Variants in CAV3 observed in about 807,000 individuals in gnomAD.
The protein encoded by CAV3 is caveolin 3.
Under a neutral mutation model 13.4 loss-of-function variants are expected in CAV3, and 10 were observed. The observed-to-expected ratio is 0.75, with a 90% CI of 0.46 to 1.27. The LOEUF (loss-of-function observed/expected upper bound fraction) is 1.27, where lower values mean the gene tolerates loss of function less well. CAV3 is among the 50% of genes most tolerant of loss of function. The pLI is 0.00. For missense variants in CAV3, 162 were observed against 194.0 expected (o/e 0.83, Z 0.98); for synonymous variants, 90 against 79.0 (o/e 1.14, Z -0.74).
intron 1 of CAV3, among the ~76,000 whole-genome samples, chr3:8,736,681 A>C (rs1379541738): frequency 6.6e-6 from 1 of 152,224 alleles, no homozygotes; most frequent in Non-Finnish European, 1.5e-5. Flanking sequence ...GCGGCGGCAC[A>C]GGTGCAGCGG....
At position 8,733,993 on chromosome 3, in the gene CAV3, A is replaced by G. The variant is rs1308236465; in HGVS notation, c.114+3A>G. 1 of 1,549,758 alleles carries G rather than the reference A, an allele frequency of 6.5e-7. No individual in the cohort carries two copies. Among genetic ancestry groups the G allele is most frequent in the Admixed American group, 1.7e-5 (1 of 59,878 alleles). Reference sequence around the variant, plus strand: ...ACATTAACGAGGACATAGTCAAGGTAGGCTCTGCAGGCCTGCCTCGGCGGG... The same window carrying G: ...ACATTAACGAGGACATAGTCAAGGTGGGCTCTGCAGGCCTGCCTCGGCGGG... On this transcript the variant is annotated splice_donor_region_variant and intron_variant, in intron 1 of 1. Coordinates refer to ENST00000343849, the MANE Select transcript of CAV3 (RefSeq NM_033337.3).
intron 1 of CAV3, among the ~76,000 whole-genome samples, chr3:8,734,701 C>T (rs527698629): frequency 6.6e-6 from 1 of 152,308 alleles, no homozygotes; most frequent in Admixed American, 6.5e-5. Flanking sequence ...AATCCAACTT[C>T]CAGCCAGTAC....
At chr3:8,742,371 AAAAGAAG>A in intron 1 of CAV3, 1 of 352,466 alleles carries the variant, frequency 2.8e-6, no homozygotes, top group Non-Finnish European at 5.6e-6. Context: ...AAAAAAAAAA[AAAAGAAG>A]AAGAAGAAGA....
Position 8,745,296 on chromosome 3 carries a change from A to T in CAV3, c.115-230A>T, listed in dbSNP as rs1260036788. 1.3e-5 allele frequency among the ~76,000 whole-genome samples: 2 copies of T among 152,112 alleles called. No individual in the cohort carries two copies. The highest frequency in any genetic ancestry group is 2.9e-5 in the Non-Finnish European group (2 of 68,028). On this transcript the variant is annotated intron_variant, in intron 1 of 1. Transcript: ENST00000343849. This position sits in a 1 kb window ranked among gnomAD's most constrained non-coding sequence, Gnocchi z 4.8. ...AAGCCAAGCAGATGCCAGCACCATG[A>T]TTCCTGCACAGATCACAGACCCATG... is the stretch of plus-strand genomic sequence containing the variant.
At chr3:8,739,541 A>G (rs1707880626) in intron 1 of CAV3, among the ~76,000 whole-genome samples, 1 of 150,748 alleles carries the variant, frequency 6.6e-6, no homozygotes, top group Non-Finnish European at 1.5e-5. Context: ...AATTGCTTGA[A>G]CCCAGGAGGC....
At chr3:8,740,129 C>T (rs944080117) in intron 1 of CAV3, among the ~76,000 whole-genome samples, 2 of 152,142 alleles carry the variant, frequency 1.3e-5, no homozygotes, top group African/African-American at 2.4e-5. Context: ...TGCTAGTCTC[C>T]AGAGCAGAGT....
At chr3:8,743,385 C>T (rs1346589694) in intron 1 of CAV3, among the ~76,000 whole-genome samples, 1 of 152,066 alleles carries the variant, frequency 6.6e-6, no homozygotes, top group Non-Finnish European at 1.5e-5. Context: ...ATCCCGAAGT[C>T]CCCTAAATTC....
chr3:8,745,447 A>G lies in CAV3; in HGVS notation c.115-79A>G. On this transcript the variant is annotated intron_variant, in intron 1 of 1. Coordinates refer to ENST00000343849, the MANE Select transcript of CAV3 (RefSeq NM_033337.3). This position sits in a 1 kb window ranked among gnomAD's most constrained non-coding sequence, Gnocchi z 4.8. ...TTAACCTGACCTCTAGGGGATTCTG[A>G]CACATGCACGCACACACCCAAAAGC... The G allele has an allele frequency of 9.1e-7, 1 of 1,102,434 alleles. No homozygotes were observed. The highest frequency in any genetic ancestry group is 1.3e-5 in the South Asian group (1 of 77,930). 68.3% of individuals were successfully genotyped at this position (1,102,434 alleles called of 1,614,324 possible). A position where few individuals can be genotyped will look rare whatever the true frequency, so the allele number is the denominator to read the frequency against.
chr3:8,734,097 G>A, intron 1 of CAV3, 107 bp downstream of exon 1: 1 of 721,430 alleles, frequency 1.4e-6, no homozygotes, highest in South Asian at 1.5e-5. Flanking sequence ...CCTGAAAAGA[G>A]ACTTGTTGCT....
chr3:8,741,473 G>C (rs1182629756), intron 1 of CAV3, among the ~76,000 whole-genome samples: 1 of 152,124 alleles, frequency 6.6e-6, no homozygotes, highest in Non-Finnish European at 1.5e-5. Flanking sequence ...TCTCACTTGG[G>C]TTTTCTGACT....
intron 1 of CAV3, among the ~76,000 whole-genome samples, chr3:8,735,819 C>T (rs965817991): frequency 4.6e-5 from 7 of 152,214 alleles, no homozygotes; most frequent in Admixed American, 1.3e-4. Context: ...GAATGCCTCA[C>T]TCAGCCTTCA....
At chr3:8,741,847 G>C (rs1014217408) in intron 1 of CAV3, among the ~76,000 whole-genome samples, 1 of 152,072 alleles carries the variant, frequency 6.6e-6, no homozygotes, top group Admixed American at 6.5e-5. Flanking sequence ...CAGAGACTGC[G>C]GGGACTGCGC....
Position 8,745,446 on chromosome 3 carries a change from G to C in CAV3, c.115-80G>C. ...GTTAACCTGACCTCTAGGGGATTCT[G>C]ACACATGCACGCACACACCCAAAAG... On this transcript the variant is annotated intron_variant, in intron 1 of 1. Transcript: ENST00000343849. The surrounding 1 kb of genome is among the most constrained non-coding windows in gnomAD (Gnocchi z 4.8). 9.1e-7 allele frequency: 1 copy of C among 1,099,998 alleles called. No individual in the cohort carries two copies. The highest frequency in any genetic ancestry group is 1.4e-6 in the Non-Finnish European group (1 of 721,652). The allele number at this position is 1,099,998 out of a possible 1,614,324, so 68.1% of individuals were successfully genotyped here.
chr3:8,742,529 C>G (rs1452451792), intron 1 of CAV3: 1 of 455,800 alleles, frequency 2.2e-6, no homozygotes, highest in South Asian at 1.6e-5. Flanking sequence ...TCATTTATAA[C>G]TAAGTAGGCT....
rs764757109 is a variant in CAV3, at chr3:8,745,909, G to A, written c.*42G>A. The A allele has an allele frequency of 1.3e-6, 2 of 1,540,746 alleles. No homozygotes were observed. Among genetic ancestry groups the A allele is most frequent in the Admixed American group, 3.4e-5 (2 of 59,370 alleles). On this transcript the variant is annotated 3_prime_UTR_variant, in exon 2 of 2. Coordinates refer to ENST00000343849, the MANE Select transcript of CAV3 (RefSeq NM_033337.3). This position sits in a 1 kb window ranked among gnomAD's most constrained non-coding sequence, Gnocchi z 4.8. ...AGCGGTGGCAGGGCAGGGGGTGGTG[G>A]GCCAGACTGGTCCCCGGGGGACTTC...
At chr3:8,738,906 G>A (rs573370904) in intron 1 of CAV3, among the ~76,000 whole-genome samples, 208 of 152,298 alleles carry the variant, frequency 1.4e-3, no homozygotes, top group African/African-American at 4.7e-3. Flanking sequence ...ATAACACTTC[G>A]CTGCTCTGTC....
At chr3:8,735,344 T>C (rs780011200) in intron 1 of CAV3, among the ~76,000 whole-genome samples, 7 of 152,220 alleles carry the variant, frequency 4.6e-5, no homozygotes, top group Non-Finnish European at 1.0e-4. Context: ...AGTCTTCAAG[T>C]TTGAAATCCA....
intron 1 of CAV3, among the ~76,000 whole-genome samples, chr3:8,737,238 C>A (rs1441893067): frequency 2.6e-5 from 4 of 152,238 alleles, no homozygotes; most frequent in African/African-American, 9.6e-5. Context: ...TTCTCATGGG[C>A]TAGGATGAGT....
At chr3:8,739,568 C>T (rs540814881) in intron 1 of CAV3, among the ~76,000 whole-genome samples, 10 of 150,832 alleles carry the variant, frequency 6.6e-5, no homozygotes, top group East Asian at 3.9e-4. Flanking sequence ...TGCCATGAGC[C>T]GAGATCGCAC....
Sources: gnomAD v4.1 joint callset for allele counts (sites outside exome capture counted in the v4.1 genomes callset) on GRCh38, gnomAD v4.1.1 for gene constraint, Gnocchi (gnomAD v3.1) non-coding constraint, MANE v1.5 for transcripts, NCBI Gene and HGNC (gene_info 2026-07-23, HGNC 2026-07-21) for gene names.